SLIT2: variants seen among roughly 807,000 people sequenced by gnomAD.
SLIT2 encodes the protein slit homolog 2 protein.
In SLIT2, 41 loss-of-function variants were observed where a neutral mutation model predicts 185.7. The observed-to-expected ratio is 0.22, with a 90% CI of 0.17 to 0.29. The LOEUF (loss-of-function observed/expected upper bound fraction) is 0.29, where lower values mean the gene tolerates loss of function less well. SLIT2 is among the 10% of genes least tolerant of loss of function. The pLI, the probability that SLIT2 is intolerant of heterozygous loss-of-function variation, is 1.00. For synonymous variants in SLIT2, 693 were observed against 680.2 expected, an observed-to-expected ratio of 1.02 and a Z score of -0.29; for missense variants, 1,571 against 1,909.0, an observed-to-expected ratio of 0.82 and a Z score of 3.30.
chr4:20,490,107 A>AAAATAAAT (rs527842931), intron 8 of SLIT2, among the ~76,000 whole-genome samples: 1 of 151,508 alleles, frequency 6.6e-6, no homozygotes, highest in Admixed American at 6.6e-5. Flanking sequence ...ATAAATCAAT[A>AAAATAAAT]AAATAAATAA....
At chr4:20,416,971 T>G (rs907214452) in intron 4 of SLIT2, among the ~76,000 whole-genome samples, 1 of 151,938 alleles carries the variant, frequency 6.6e-6, no homozygotes, top group African/African-American at 2.4e-5. Flanking sequence ...TCTTTTTTTT[T>G]TTTTTTTCAC....
At chr4:20,315,019 A>C (rs1718446628) in intron 4 of SLIT2, among the ~76,000 whole-genome samples, 1 of 89,734 alleles carries the variant, frequency 1.1e-5, no homozygotes, top group Admixed American at 1.6e-4. Flanking sequence ...AAAATAATTA[A>C]TTATTATAAT....
intron 12 of SLIT2, among the ~76,000 whole-genome samples, chr4:20,522,153 C>T (rs909214073): frequency 2.0e-5 from 3 of 152,094 alleles, no homozygotes; most frequent in Non-Finnish European, 4.4e-5. Flanking sequence ...CTCTTCGGGC[C>T]ATTCAAACTA....
chr4:20,337,144 C>T (rs915791818), intron 4 of SLIT2, among the ~76,000 whole-genome samples: 3 of 152,110 alleles, frequency 2.0e-5, no homozygotes, highest in African/African-American at 4.8e-5. Context: ...TCTGTTTTCA[C>T]TCTGCTGATA....
At chr4:20,342,941 C>A (rs541511061) in intron 4 of SLIT2, among the ~76,000 whole-genome samples, 75 of 151,066 alleles carry the variant, frequency 5.0e-4, no homozygotes, top group Non-Finnish European at 6.8e-4. Flanking sequence ...TTCATTCTTT[C>A]TTTTTTCCAT....
At chr4:20,608,790 C>G (rs1190996185) in intron 33 of SLIT2, among the ~76,000 whole-genome samples, 1 of 152,170 alleles carries the variant, frequency 6.6e-6, no homozygotes, top group South Asian at 2.1e-4. Context: ...TGCCATTTTA[C>G]AAATTTAAAT....
intron 4 of SLIT2, among the ~76,000 whole-genome samples, chr4:20,280,833 GT>G (rs34477780): frequency 0.062 from 8,091 of 130,560 alleles, 268 homozygotes; most frequent in Middle Eastern, 0.12. Flanking sequence ...TTAAAAAAAT[GT>G]TTTTTTTTTT....
chr4:20,363,935 T>TA lies in SLIT2; in HGVS notation c.395+95060dup, dbSNP rs201425240. On this transcript the variant is annotated intron_variant, in intron 4 of 36. Transcript: ENST00000504154. ...GATGTGTAGAAAAACTGCTCCTGCT[T>TA]AAAAAATTGCAAACGTGTTTTTAAG... Among the ~76,000 whole-genome samples the TA allele has an allele frequency of 3.3e-5, 5 of 152,302 alleles. No homozygotes were observed. In the East Asian group the frequency reaches 9.7e-4, roughly 29 times the overall value.
intron 4 of SLIT2, among the ~76,000 whole-genome samples, chr4:20,444,461 G>A (rs1711549658): frequency 6.6e-6 from 1 of 151,978 alleles, no homozygotes; most frequent in African/African-American, 2.4e-5. Context: ...AGTTGTGGTA[G>A]GTTTCCTAAT....
intron 4 of SLIT2, among the ~76,000 whole-genome samples, chr4:20,463,543 G>GTA (rs1714009189): frequency 7.0e-6 from 1 of 143,224 alleles, no homozygotes; most frequent in South Asian, 2.3e-4. Context: ...GTGTGTGTGT[G>GTA]TGTATATGTA....
At chr4:20,445,315 G>T (rs1213351330) in intron 4 of SLIT2, among the ~76,000 whole-genome samples, 1 of 152,150 alleles carries the variant, frequency 6.6e-6, no homozygotes, top group African/African-American at 2.4e-5. Flanking sequence ...ATATTTTCAA[G>T]AATTCATTAT....
chr4:20,480,041 A>G (rs79805687), intron 5 of SLIT2, among the ~76,000 whole-genome samples: 49 of 152,346 alleles, frequency 3.2e-4, no homozygotes, highest in Non-Finnish European at 6.5e-4. Flanking sequence ...CCTTAACTCA[A>G]AAGTATGCTG....
At chr4:20,587,881 T>G (rs373707706) in intron 29 of SLIT2, among the ~76,000 whole-genome samples, 3 of 152,224 alleles carry the variant, frequency 2.0e-5, no homozygotes, top group East Asian at 3.8e-4. Flanking sequence ...AACAGTTTCT[T>G]ATTTAGGCAT....
chr4:20,391,681 C>T (rs116742468), intron 4 of SLIT2, among the ~76,000 whole-genome samples: 3 of 152,098 alleles, frequency 2.0e-5, no homozygotes, highest in Non-Finnish European at 2.9e-5. Context: ...AAATGATTGG[C>T]GACCTGGTTA....
In SLIT2 at chr4:20,567,539, A is replaced by G. The variant is rs150625606; in HGVS notation, c.2872A>G (p.Ile958Val). Residue 958 changes from isoleucine to valine, a missense_variant, in exon 28 of 37, where the codon ATT becomes GTT. Coordinates refer to ENST00000504154, the MANE Select transcript of SLIT2 (RefSeq NM_004787.4). ...GFKGQDCDVP[I>V]HACISNPCKH... Reference sequence around the variant, plus strand: ...CCAGGGGCAGGACTGTGATGTCCCAATTCATGCCTGCATCAGTAACCCATG... The same window carrying G: ...CCAGGGGCAGGACTGTGATGTCCCAGTTCATGCCTGCATCAGTAACCCATG... 1.7e-5 allele frequency: 27 copies of G among 1,613,234 alleles called. No homozygotes were observed. Among genetic ancestry groups the G allele is most frequent in the African/African-American group, 1.1e-4 (8 of 74,850 alleles).
At chr4:20,468,373 T>C (rs1263792617) in intron 5 of SLIT2, among the ~76,000 whole-genome samples, 1 of 152,112 alleles carries the variant, frequency 6.6e-6, no homozygotes, top group Non-Finnish European at 1.5e-5. Flanking sequence ...ACCAAAAGCA[T>C]GAGAATGACA....
intron 30 of SLIT2, among the ~76,000 whole-genome samples, chr4:20,592,109 G>A (rs986118332): frequency 6.6e-6 from 1 of 152,060 alleles, no homozygotes; most frequent in African/African-American, 2.4e-5. Context: ...GAAAATAGAC[G>A]TAAAAATCAA....
chr4:20,262,952 G>A (rs553331429), intron 3 of SLIT2, among the ~76,000 whole-genome samples: 1 of 151,894 alleles, frequency 6.6e-6, no homozygotes, highest in African/African-American at 2.4e-5. Context: ...GAAGCAGTGA[G>A]GGTGTTTATT....
intron 4 of SLIT2, among the ~76,000 whole-genome samples, chr4:20,379,854 A>G (rs190723779): frequency 1.3e-5 from 2 of 152,282 alleles, no homozygotes; most frequent in Admixed American, 6.5e-5. Flanking sequence ...AGGGGAGCCC[A>G]AACAGAGGTG....
Sources: gnomAD v4.1 joint callset for allele counts (sites outside exome capture counted in the v4.1 genomes callset) on GRCh38, gnomAD v4.1.1 for gene constraint, MANE v1.5 for transcripts, NCBI Gene and HGNC (gene_info 2026-07-23, HGNC 2026-07-21) for gene names.